Variants in DSCAML1 observed in about 807,000 individuals in gnomAD.
The protein encoded by DSCAML1 is cell adhesion molecule DSCAML1.
DSCAML1 carries 38 observed loss-of-function variants against 200.5 expected under a neutral mutation model. The observed-to-expected ratio is 0.19, with a 90% CI of 0.15 to 0.25. The LOEUF (loss-of-function observed/expected upper bound fraction) is 0.25. Among genes scored for constraint, DSCAML1 ranks in the 10% least tolerant of loss-of-function variants. The pLI is 1.00. For missense variants in DSCAML1, 2,223 were observed against 2,858.8 expected (o/e 0.78, Z 5.07); for synonymous variants, 1,215 against 1,165.0 (o/e 1.04, Z -0.87).
chr11:117,679,358 A>G (rs2053274360), intron 3 of DSCAML1, among the ~76,000 whole-genome samples: 1 of 152,154 alleles, frequency 6.6e-6, no homozygotes, highest in Non-Finnish European at 1.5e-5. Flanking sequence ...CTCCCCAGAG[A>G]GGGTCAGGGG....
At chr11:117,707,778 C>T (rs190082413) in intron 3 of DSCAML1, among the ~76,000 whole-genome samples, 215 of 152,254 alleles carry the variant, frequency 1.4e-3, no homozygotes, top group African/African-American at 4.8e-3. Flanking sequence ...CGTGATCCAC[C>T]GGCCTCAGCC....
chr11:117,442,023 AGTGT>A (rs1007769720), intron 21 of DSCAML1, among the ~76,000 whole-genome samples: 13 of 104,962 alleles, frequency 1.2e-4, no homozygotes, highest in Middle Eastern at 5.0e-3. Flanking sequence ...TCTGCATGTG[AGTGT>A]GTGTATGTGT....
chr11:117,728,696 C>T (rs772003218), intron 3 of DSCAML1, among the ~76,000 whole-genome samples: 6 of 151,982 alleles, frequency 3.9e-5, no homozygotes, highest in Non-Finnish European at 8.8e-5. Flanking sequence ...ACAATAGCAT[C>T]CAAAAAGAAT....
intron 20 of DSCAML1, among the ~76,000 whole-genome samples, chr11:117,445,988 T>C (rs1403006551): frequency 6.6e-6 from 1 of 152,190 alleles, no homozygotes; most frequent in Non-Finnish European, 1.5e-5. Flanking sequence ...ATTTTTCTAA[T>C]CATAAAAATC....
intron 3 of DSCAML1, among the ~76,000 whole-genome samples, chr11:117,659,981 C>T (rs2052811097): frequency 6.6e-6 from 1 of 152,184 alleles, no homozygotes. Context: ...GCCTTAGCCT[C>T]CCAAAGTGCC....
intron 3 of DSCAML1, among the ~76,000 whole-genome samples, chr11:117,675,109 A>C (rs2053183685): frequency 6.6e-6 from 1 of 152,236 alleles, no homozygotes; most frequent in Non-Finnish European, 1.5e-5. Flanking sequence ...AGATAGTAAT[A>C]GCAACTCCTC....
chr11:117,552,741 G>T (rs1361966838), intron 3 of DSCAML1, among the ~76,000 whole-genome samples: 1 of 152,202 alleles, frequency 6.6e-6, no homozygotes, highest in Non-Finnish European at 1.5e-5. Flanking sequence ...GTGTCTTGCT[G>T]GAGGCAACAA....
At chr11:117,467,380 C>T (rs1045381075) in intron 16 of DSCAML1, among the ~76,000 whole-genome samples, 10 of 152,190 alleles carry the variant, frequency 6.6e-5, no homozygotes, top group Non-Finnish European at 5.9e-5. Context: ...ACAGAACACC[C>T]ACCCCAGCGC....
chr11:117,525,874 C>T (rs2049969190), intron 4 of DSCAML1, among the ~76,000 whole-genome samples: 1 of 152,194 alleles, frequency 6.6e-6, no homozygotes, highest in South Asian at 2.1e-4. Context: ...GACGATCTAT[C>T]TGTTCCTGCT....
At chr11:117,547,383 G>A (rs1381769002) in intron 3 of DSCAML1, among the ~76,000 whole-genome samples, 1 of 152,218 alleles carries the variant, frequency 6.6e-6, no homozygotes, top group African/African-American at 2.4e-5. Flanking sequence ...GGACCCTTGT[G>A]TGCCTGGGCC....
At chr11:117,709,695 C>T in intron 3 of DSCAML1, 1 of 455,268 alleles carries the variant, frequency 2.2e-6, no homozygotes, top group Non-Finnish European at 4.4e-6. Context: ...TCTGGTTTCA[C>T]TGGCTTTGGG....
chr11:117,799,366 C>T (rs968574107), upstream of DSCAML1, among the ~76,000 whole-genome samples: 1 of 152,288 alleles, frequency 6.6e-6, no homozygotes, highest in Non-Finnish European at 1.5e-5. Context: ...ACAGCTGCTC[C>T]GTGCCTCACA....
chr11:117,500,303 A>T (rs2049371050), intron 11 of DSCAML1, among the ~76,000 whole-genome samples: 1 of 152,190 alleles, frequency 6.6e-6, no homozygotes, highest in Non-Finnish European at 1.5e-5. Context: ...TAAGGCATTT[A>T]TCATTTTGTG....
intron 3 of DSCAML1, among the ~76,000 whole-genome samples, chr11:117,632,354 G>T (rs899862647): frequency 6.6e-6 from 1 of 152,156 alleles, no homozygotes; most frequent in Non-Finnish European, 1.5e-5. Context: ...GCAAGAATCA[G>T]CTCCCTCTGA....
intron 3 of DSCAML1, among the ~76,000 whole-genome samples, chr11:117,765,241 T>C (rs757660002): frequency 1.3e-5 from 2 of 152,186 alleles, no homozygotes; most frequent in Non-Finnish European, 2.9e-5. Context: ...GCTATTCCAC[T>C]GTGAAAGTCG....
At chr11:117,544,596 G>GA (rs1276010705) in intron 3 of DSCAML1, among the ~76,000 whole-genome samples, 1 of 152,110 alleles carries the variant, frequency 6.6e-6, no homozygotes, top group Non-Finnish European at 1.5e-5. Context: ...GCCTGGGTTT[G>GA]AAAAAACCAA....
At chr11:117,655,109 G>A (rs2052707240) in intron 3 of DSCAML1, among the ~76,000 whole-genome samples, 1 of 152,236 alleles carries the variant, frequency 6.6e-6, no homozygotes, top group South Asian at 2.1e-4. Context: ...CCGCCCCTGG[G>A]CATGGGGCCA....
chr11:117,500,674 TAGTGAGTGCTCAGGGAGCACCATTA>T lies in DSCAML1; in HGVS notation c.2359+3146_2359+3170del, dbSNP rs1274592046. ...AATCACCACACTTTATTGACCTATT[TAGTGAGTGCTCAGGGAGCACCATTA>T]AGTGAGTGCTGAGTTATCACTGGAA... On this transcript the variant is annotated intron_variant, in intron 11 of 32. Coordinates refer to ENST00000651296, the MANE Select transcript of DSCAML1 (RefSeq NM_020693.4). 4.6e-5 allele frequency among the ~76,000 whole-genome samples: 7 copies of T among 152,318 alleles called. No individual in the cohort carries two copies. In the East Asian group the frequency reaches 1.4e-3, roughly 29 times the overall value.
intron 3 of DSCAML1, among the ~76,000 whole-genome samples, chr11:117,550,130 T>C (rs2050443705): frequency 6.6e-6 from 1 of 152,194 alleles, no homozygotes; most frequent in Non-Finnish European, 1.5e-5. Context: ...CTTTTACTAT[T>C]AATTTGTAAA....
Sources: gnomAD v4.1 joint callset for allele counts (sites outside exome capture counted in the v4.1 genomes callset) on GRCh38, gnomAD v4.1.1 for gene constraint, MANE v1.5 for transcripts, NCBI Gene and HGNC (gene_info 2026-07-23, HGNC 2026-07-21) for gene names.